Variants in CCDC175 observed in about 807,000 individuals in gnomAD.
The protein encoded by CCDC175 is coiled-coil domain-containing protein 175.
CCDC175 carries 100 observed loss-of-function variants against 114.6 expected under a neutral mutation model. The ratio of observed to expected loss-of-function variants is 0.87; its 90% CI spans 0.74 to 1.03. The LOEUF is 1.03. CCDC175 is among the 50% of genes least tolerant of loss of function. The pLI, the probability that CCDC175 is intolerant of heterozygous loss-of-function variation, is 0.00. For missense variants in CCDC175, 880 were observed against 917.8 expected, an observed-to-expected ratio of 0.96 and a Z score of 0.53; for synonymous variants, 306 against 308.7, an observed-to-expected ratio of 0.99 and a Z score of 0.09.
chr14:59,543,411 G>C lies in CCDC175; in HGVS notation c.1216C>G (p.Leu406Val). The C allele has an allele frequency of 4.1e-6, 6 of 1,473,372 alleles. No individual in the cohort carries two copies. Among genetic ancestry groups the C allele is most frequent in the Non-Finnish European group, 5.4e-6 (6 of 1,107,118 alleles). The allele number at this position is 1,473,372 out of a possible 1,614,324, so 91.3% of individuals were successfully genotyped here. Residue 406 changes from leucine (L) to valine (V), a missense_variant, in exon 10 of 20, where the codon CTG becomes GTG. Leu to Val is a conservative substitution (Grantham distance 32). Coordinates refer to ENST00000537690, the MANE Select transcript of CCDC175 (RefSeq NM_001164399.2). ...LTFISQKEYF[L>V]SQKRVDIKNM... Reference sequence around the variant, plus strand: ...TTGATGTCTACTCTCTTTTGTGACAGAAAGTATTCTTTCTGAGAAATAAAT... The same window carrying C: ...TTGATGTCTACTCTCTTTTGTGACACAAAGTATTCTTTCTGAGAAATAAAT...
intron 10 of CCDC175, among the ~76,000 whole-genome samples, chr14:59,542,406 C>A (rs1461118097): frequency 1.3e-5 from 2 of 151,976 alleles, no homozygotes; most frequent in Non-Finnish European, 2.9e-5. Flanking sequence ...GTCATTTTGA[C>A]AATCATTATA....
chr14:59,525,791 A>T (rs1429071014), intron 15 of CCDC175, among the ~76,000 whole-genome samples: 1 of 152,218 alleles, frequency 6.6e-6, no homozygotes, highest in Non-Finnish European at 1.5e-5. Flanking sequence ...CAAATAATAA[A>T]CAATACAGTA....
intron 1 of CCDC175, among the ~76,000 whole-genome samples, chr14:59,576,208 T>C (rs1463160023): frequency 6.6e-6 from 1 of 152,172 alleles, no homozygotes. Context: ...CCCTTTCCTA[T>C]TTGCTTGTTA....
chr14:59,564,613 T>A (rs1182255028), intron 5 of CCDC175: 1 of 159,804 alleles, frequency 6.3e-6, no homozygotes, highest in Non-Finnish European at 1.4e-5. Context: ...AGCCCTCAGT[T>A]CTGCCTGGCC....
At chr14:59,559,113 G>A (rs1434651156) in intron 7 of CCDC175, among the ~76,000 whole-genome samples, 1 of 152,056 alleles carries the variant, frequency 6.6e-6, no homozygotes, top group African/African-American at 2.4e-5. Context: ...CCACGTTGGC[G>A]CAAAAAAGCA....
chr14:59,522,159 G>T (rs745407653), intron 16 of CCDC175, among the ~76,000 whole-genome samples: 4 of 152,192 alleles, frequency 2.6e-5, no homozygotes, highest in Non-Finnish European at 4.4e-5. Flanking sequence ...AGTGACAGGT[G>T]ACTTTGAGTA....
Position 59,538,142 on chromosome 14 carries a change from G to A in CCDC175, c.1504C>T (p.Gln502Ter), listed in dbSNP as rs1370938917. ...IELLNETSFRQQEISGFVAQI... is the reference protein window; with the variant it reads ...IELLNETSFR ...GCCACAAATCCACTGATCTCCTGTT[G>A]TCTGAAACTGGTCTAATTAGAGAAA... Residue 502 changes from glutamine to a stop codon, truncating the protein, a stop_gained, in exon 13 of 20, where the codon CAA (glutamine) becomes TAA (stop). Transcript: ENST00000537690. LOFTEE classifies it high-confidence loss of function. The A allele has an allele frequency of 1.3e-6, 2 of 1,534,282 alleles. No individual in the cohort carries two copies. Among genetic ancestry groups the A allele is most frequent in the Non-Finnish European group, 1.7e-6 (2 of 1,144,888 alleles).
chr14:59,559,396 T>C (rs375448172), intron 7 of CCDC175, among the ~76,000 whole-genome samples: 447 of 152,228 alleles, frequency 2.9e-3, no homozygotes, highest in African/African-American at 0.01. Flanking sequence ...CTCTTATTTG[T>C]CCAAACGCAC....
intron 7 of CCDC175, among the ~76,000 whole-genome samples, chr14:59,552,844 T>C (rs1220469172): frequency 1.3e-5 from 2 of 149,040 alleles, no homozygotes. Flanking sequence ...GCTGATTTCA[T>C]CAACTGGAAG....
chr14:59,554,566 A>T (rs2140084681), intron 7 of CCDC175, among the ~76,000 whole-genome samples: 1 of 152,348 alleles, frequency 6.6e-6, no homozygotes, highest in South Asian at 2.1e-4. Context: ...CTAGAGAAGC[A>T]AGAGCAAACA....
At chr14:59,548,555 G>C (rs1261050543) in intron 8 of CCDC175, among the ~76,000 whole-genome samples, 1 of 152,184 alleles carries the variant, frequency 6.6e-6, no homozygotes, top group Non-Finnish European at 1.5e-5. Context: ...AGGGGTCCTA[G>C]ACTGTTCAGA....
chr14:59,532,272 A>G (rs1386902212), intron 13 of CCDC175, among the ~76,000 whole-genome samples: 4 of 152,258 alleles, frequency 2.6e-5, no homozygotes, highest in African/African-American at 9.6e-5. Flanking sequence ...TAAACAGAAT[A>G]CACTTCTAAG....
At chr14:59,508,130 C>T (rs1010870760) in intron 19 of CCDC175, among the ~76,000 whole-genome samples, 2 of 152,032 alleles carry the variant, frequency 1.3e-5, no homozygotes, top group Admixed American at 6.6e-5. Flanking sequence ...CCACACACCT[C>T]ACTATCTCTT....
chr14:59,510,843 A>C (rs1170577837), intron 18 of CCDC175, 35 bp from the exon 19 acceptor site: 5 of 1,514,574 alleles, frequency 3.3e-6, no homozygotes, highest in Non-Finnish European at 4.4e-6. Flanking sequence ...TGTCAATATA[A>C]ATTGCTACAA....
chr14:59,567,697 T>G (rs919354510), intron 4 of CCDC175, among the ~76,000 whole-genome samples: 3 of 152,158 alleles, frequency 2.0e-5, no homozygotes, highest in Non-Finnish European at 4.4e-5. Context: ...ATAGGCAGTT[T>G]CATATATTAT....
chr14:59,561,997 AG>A (rs1190171740), intron 6 of CCDC175, among the ~76,000 whole-genome samples: 2 of 152,234 alleles, frequency 1.3e-5, no homozygotes, highest in Non-Finnish European at 2.9e-5. Context: ...GGGAGAATAG[AG>A]GCACTCTCAG....
chr14:59,576,545 A>G (rs1897131101), intron 1 of CCDC175, 74 bp downstream of exon 1: 2 of 1,315,338 alleles, frequency 1.5e-6, no homozygotes, highest in Non-Finnish European at 2.0e-6. Context: ...GTCCCCGCTC[A>G]GGGTTCCCGC....
chr14:59,521,557 A>C lies in CCDC175; in HGVS notation c.2098+17T>G. ...CTAAAGAACCCTGACTAATACAAGC[A>C]CCCACACATTACTTACCCTCCTGAG... On this transcript the variant is annotated intron_variant, in intron 17 of 19. Transcript: ENST00000537690. 7.2e-7 allele frequency: 1 copy of C among 1,396,138 alleles called. No individual in the cohort carries two copies. Among genetic ancestry groups the C allele is most frequent in the East Asian group, 2.5e-5 (1 of 40,338 alleles). The allele number at this position is 1,396,138 out of a possible 1,614,324, so 86.5% of individuals were successfully genotyped here.
chr14:59,540,865 G>A (rs1894742747), intron 10 of CCDC175, 119 bp from the exon 11 acceptor site: 2 of 853,318 alleles, frequency 2.3e-6, no homozygotes, highest in East Asian at 2.7e-5. Context: ...GACAAAATAA[G>A]CCTTGTGAAA....
Sources: gnomAD v4.1 joint callset for allele counts (sites outside exome capture counted in the v4.1 genomes callset) on GRCh38, gnomAD v4.1.1 for gene constraint, MANE v1.5 for transcripts, NCBI Gene and HGNC (gene_info 2026-07-23, HGNC 2026-07-21) for gene names.